Variants in KLHL25 observed in about 807,000 individuals in gnomAD.
KLHL25 encodes the protein kelch-like protein 25.
Under a neutral mutation model 30.0 loss-of-function variants are expected in KLHL25, and 41 were observed. The ratio of observed to expected loss-of-function variants is 1.37; its 90% CI spans 1.07 to 1.78. The LOEUF (loss-of-function observed/expected upper bound fraction) is 1.78. Among genes scored for constraint, KLHL25 ranks in the 40% most tolerant of loss-of-function variants. The pLI is 0.00. For synonymous variants in KLHL25, 399 were observed against 355.3 expected (o/e 1.12, Z -1.38); for missense variants, 971 against 824.5 (o/e 1.18, Z -2.18).
chr15:85,775,989 T>G (rs538254193), intron 1 of KLHL25, among the ~76,000 whole-genome samples: 1 of 149,938 alleles, frequency 6.7e-6, no homozygotes, highest in African/African-American at 2.5e-5. Flanking sequence ...CTGGCCAACA[T>G]GGTGAAACCC....
At chr15:85,772,976 T>C (rs2089687054) in intron 1 of KLHL25, among the ~76,000 whole-genome samples, 1 of 152,260 alleles carries the variant, frequency 6.6e-6, no homozygotes, top group Non-Finnish European at 1.5e-5. Flanking sequence ...CATCTCCTTC[T>C]GGGCAGCGCC....
intron 1 of KLHL25, among the ~76,000 whole-genome samples, chr15:85,792,822 C>T (rs747054222): frequency 6.6e-6 from 1 of 152,144 alleles, no homozygotes; most frequent in South Asian, 2.1e-4. Context: ...CCCAGGAAGC[C>T]TTGCCCACCT....
In KLHL25 at chr15:85,769,171, T is replaced by C. The variant is rs1231194277; in HGVS notation, c.640A>G (p.Ile214Val). The change falls in exon 2 of 3, where the codon ATC (isoleucine) becomes GTC (valine). Residue 214 changes from isoleucine (I) to valine (V), a missense_variant. Transcript: ENST00000337975. ...TEDERVVFEAILQWVKHDLEP... is the reference protein window; with the variant it reads ...TEDERVVFEAVLQWVKHDLEP... ...AGGTCGTGCTTCACCCACTGGAGGA[T>C]GGCCTCGAAGACCACCCGCTCGTCC... The C allele has an allele frequency of 6.2e-7, 1 of 1,613,124 alleles. No individual in the cohort carries two copies. The highest frequency in any genetic ancestry group is 2.2e-5 in the East Asian group (1 of 44,870).
In KLHL25 at chr15:85,769,541, C is replaced by A. The variant is rs1314183523; in HGVS notation, c.270G>T (p.Gln90His). 1.9e-6 allele frequency: 3 copies of A among 1,613,782 alleles called. No homozygotes were observed. Among genetic ancestry groups the A allele is most frequent in the Non-Finnish European group, 1.7e-6 (2 of 1,180,056 alleles). The change falls in exon 2 of 3, where the codon CAG becomes CAT. Residue 90 changes from glutamine to histidine, a missense_variant. Coordinates refer to ENST00000337975, the MANE Select transcript of KLHL25 (RefSeq NM_022480.4). ...CCAGCACCTCCGGGTGCAGGTTGTC[C>A]TGGAAGTTGACAGTGTCATCCCGGC... Reference protein sequence around the residue: ...RESRDDTVNFQDNLHPEVLEL... With the variant: ...RESRDDTVNFHDNLHPEVLEL...
chr15:85,785,909 T>G (rs2089777750), intron 1 of KLHL25, among the ~76,000 whole-genome samples: 1 of 152,134 alleles, frequency 6.6e-6, no homozygotes, highest in Admixed American at 6.5e-5. Flanking sequence ...CGAAATGCCT[T>G]CAAGCTGCGC....
chr15:85,761,358 C>CA (rs2089581495), intron 2 of KLHL25: 2 of 148,494 alleles, frequency 1.3e-5, no homozygotes, highest in Admixed American at 1.3e-4. Context: ...AGGTGACCGG[C>CA]GTGAGAGCCG....
In KLHL25 at chr15:85,775,864, TAAAAAAAA is replaced by T. The variant is rs10535328; in HGVS notation, c.-10-6052_-10-6045del. Among the ~76,000 whole-genome samples the T allele has an allele frequency of 1.1e-4, 10 of 89,062 alleles. No individual in the cohort carries two copies. The South Asian group carries it at 1.5e-3, about 13-fold the overall frequency. The allele number at this position is 89,062 out of a possible 152,430, so 58.4% of individuals were successfully genotyped here. ...GGCTGCTGCCTTTCAATGGCTCGTT[TAAAAAAAA>T]AAAAAAAAAAAAAAAAAGCGGCCAG... On this transcript the variant is annotated intron_variant, in intron 1 of 2. Transcript: ENST00000337975.
At position 85,769,394 on chromosome 15, in the gene KLHL25, G is replaced by A. The variant is rs772693228; in HGVS notation, c.417C>T (p.Phe139=). ...TGGAGGGGAAAAGGTTCTTCTCCAG[G>A]AACTCGGCGGCAGCATCCCGCACAT... ...FHDVRDAAAE[F]LEKNLFPSNC... Residue 139 remains phenylalanine, a synonymous_variant, in exon 2 of 3, where the codon TTC becomes TTT. Transcript: ENST00000337975. 1.9e-6 allele frequency: 3 copies of A among 1,614,164 alleles called. No individual in the cohort carries two copies. In the Admixed American group the frequency reaches 5.0e-5, roughly 27 times the overall value.
rs527497873 is a variant in KLHL25, at chr15:85,768,932, C to T, written c.879G>A (p.Ala293=). The T allele has an allele frequency of 2.0e-5, 32 of 1,613,334 alleles. No homozygotes were observed. The African/African-American group carries it at 3.1e-4, about 15-fold the overall frequency. ...CCCCCAGGATGAGTAGCGTGTGGCC[C>T]GCCTTGCGTGGCCGGGCACAGGGGC... The part of the protein sequence containing the change: ...VTSPCARPRK[A]GHTLLILGGQ... Residue 293 remains alanine (A), a synonymous_variant, in exon 2 of 3, where the codon GCG becomes GCA. Coordinates refer to ENST00000337975, the MANE Select transcript of KLHL25 (RefSeq NM_022480.4).
intron 2 of KLHL25, among the ~76,000 whole-genome samples, chr15:85,766,470 C>A (rs971354794): frequency 2.0e-5 from 3 of 152,082 alleles, no homozygotes. Context: ...GCCAGGCTGG[C>A]CGGGATACCC....
chr15:85,793,787 CA>C (rs943071401), intron 1 of KLHL25, among the ~76,000 whole-genome samples: 2 of 152,158 alleles, frequency 1.3e-5, no homozygotes, highest in Non-Finnish European at 2.9e-5. Context: ...CGAGGAGAGT[CA>C]AAGTCCAGCC....
chr15:85,788,543 T>G (rs560523259), intron 1 of KLHL25, among the ~76,000 whole-genome samples: 1 of 152,062 alleles, frequency 6.6e-6, no homozygotes, highest in Non-Finnish European at 1.5e-5. Flanking sequence ...CTGGACACAT[T>G]TGAAATGAGG....
chr15:85,769,284 A>G lies in KLHL25; in HGVS notation c.527T>C (p.Phe176Ser), dbSNP rs768316578. Residue 176 changes from phenylalanine (F) to serine (S), a missense_variant, in exon 2 of 3, where the codon TTT (phenylalanine) becomes TCT (serine). Coordinates refer to ENST00000337975, the MANE Select transcript of KLHL25 (RefSeq NM_022480.4). ...EFSWRMCLVHFETVRQSEDFN... is the reference protein window; with the variant it reads ...EFSWRMCLVHSETVRQSEDFN... ...GTCCTCGCTCTGCCTCACCGTCTCAAAGTGCACCAGGCACATGCGCCAGGA... is the reference window on the plus strand; with the variant it reads ...GTCCTCGCTCTGCCTCACCGTCTCAGAGTGCACCAGGCACATGCGCCAGGA... The G allele has an allele frequency of 5.6e-6, 9 of 1,613,852 alleles. No homozygotes were observed. Among genetic ancestry groups the G allele is most frequent in the Non-Finnish European group, 6.8e-6 (8 of 1,180,036 alleles).
chr15:85,767,524 A>AT (rs1388214062), intron 2 of KLHL25, among the ~76,000 whole-genome samples: 1 of 152,202 alleles, frequency 6.6e-6, no homozygotes, highest in Non-Finnish European at 1.5e-5. Flanking sequence ...CCCTTGGCTT[A>AT]TCTTAATCTG....
chr15:85,768,274 A>G lies in KLHL25; in HGVS notation c.1537T>C (p.Cys513Arg). The G allele has an allele frequency of 6.2e-7, 1 of 1,614,126 alleles. No individual in the cohort carries two copies. The highest frequency in any genetic ancestry group is 8.5e-7 in the Non-Finnish European group (1 of 1,180,030). Residue 513 changes from cysteine (C) to arginine (R), a missense_variant, in exon 2 of 3, where the codon TGT becomes CGT. Cys to Arg is a radical substitution (Grantham distance 180). Transcript: ENST00000337975. ...ATCCGCGTCCACTGGTTGGTCTCAC[A>G]GTCAAAGCGGTAGGCCGAGGCGGCT... ...FTAASAYRFD[C>R]ETNQWTRIGD...
chr15:85,793,742 T>C (rs58373510), intron 1 of KLHL25, among the ~76,000 whole-genome samples: 2,727 of 152,170 alleles, frequency 0.018, 87 homozygotes, highest in African/African-American at 0.062. Context: ...TGGAACCAAA[T>C]GGTCCAGACA....
chr15:85,770,500 G>C, intron 1 of KLHL25: 1 of 534,172 alleles, frequency 1.9e-6, no homozygotes. Flanking sequence ...AACAAGAGCC[G>C]CCATCAAGGC....
At chr15:85,792,844 T>C (rs1311261999) in intron 1 of KLHL25, among the ~76,000 whole-genome samples, 1 of 152,076 alleles carries the variant, frequency 6.6e-6, no homozygotes, top group Non-Finnish European at 1.5e-5. Context: ...TGTCTCCTTC[T>C]CTCCTCTTGC....
At chr15:85,782,229 A>T (rs1351953519) in intron 1 of KLHL25, among the ~76,000 whole-genome samples, 2 of 152,100 alleles carry the variant, frequency 1.3e-5, no homozygotes, top group Non-Finnish European at 2.9e-5. Flanking sequence ...AGTCATTCAT[A>T]TACACATTTT....
Sources: allele counts gnomAD v4.1 joint callset (sites outside exome capture counted in the v4.1 genomes callset), GRCh38; gene constraint gnomAD v4.1.1; transcripts MANE v1.5; gene names NCBI Gene and HGNC (gene_info 2026-07-23, HGNC 2026-07-21).